CPPED1: variants seen among roughly 807,000 people sequenced by gnomAD.
CPPED1 encodes the protein serine/threonine-protein phosphatase CPPED1.
A neutral mutation model predicts 28.0 loss-of-function variants in CPPED1; 28 were observed. The ratio of observed to expected loss-of-function variants is 1.00; its 90% CI spans 0.74 to 1.37. The LOEUF is 1.37. Ranked by LOEUF, CPPED1 falls within the 40% of genes most tolerant of loss-of-function variation. The pLI is 0.00. For synonymous variants in CPPED1, 198 were observed against 180.2 expected (o/e 1.10, Z -0.79); for missense variants, 504 against 416.5 (o/e 1.21, Z -1.83).
chr16:12,772,295 G>A (rs547669079), intron 2 of CPPED1, among the ~76,000 whole-genome samples: 1 of 152,158 alleles, frequency 6.6e-6, no homozygotes, highest in South Asian at 2.1e-4. Context: ...TCTCACTGGG[G>A]CATTTTCCTG....
intron 1 of CPPED1, among the ~76,000 whole-genome samples, chr16:12,783,890 A>T (rs1206806262): frequency 6.6e-6 from 1 of 152,192 alleles, no homozygotes; most frequent in East Asian, 1.9e-4. Flanking sequence ...CTCATGGAGA[A>T]AGACAGCAAT....
intron 2 of CPPED1, among the ~76,000 whole-genome samples, chr16:12,747,203 G>A (rs975747876): frequency 6.6e-6 from 1 of 152,016 alleles, no homozygotes; most frequent in African/African-American, 2.4e-5. Flanking sequence ...ACTGAGGTGG[G>A]CGGATTGCTT....
intron 2 of CPPED1, among the ~76,000 whole-genome samples, chr16:12,745,151 A>G (rs1596468454): frequency 1.3e-5 from 2 of 152,064 alleles, no homozygotes; most frequent in East Asian, 3.9e-4. Context: ...CAGGCTAATA[A>G]GTGTGCAACA....
chr16:12,736,884 GC>G (rs2080229451), intron 2 of CPPED1, among the ~76,000 whole-genome samples: 1 of 152,082 alleles, frequency 6.6e-6, no homozygotes, highest in African/African-American at 2.4e-5. Flanking sequence ...GGGAAGAGCT[GC>G]AACTCTAAAA....
chr16:12,774,465 CAA>C (rs113635812), intron 2 of CPPED1, among the ~76,000 whole-genome samples: 3 of 138,328 alleles, frequency 2.2e-5, no homozygotes, highest in Admixed American at 7.2e-5. Flanking sequence ...GAGACTGTCT[CAA>C]AAAAAAAAAA....
intron 1 of CPPED1, among the ~76,000 whole-genome samples, chr16:12,801,032 C>G (rs2080656350): frequency 6.6e-6 from 1 of 152,186 alleles, no homozygotes; most frequent in Non-Finnish European, 1.5e-5. Flanking sequence ...CCCCAACTTC[C>G]TATTCTCCAC....
At chr16:12,790,640 G>A (rs9939778) in intron 1 of CPPED1, among the ~76,000 whole-genome samples, 1,820 of 152,138 alleles carry the variant, frequency 0.012, 39 homozygotes, top group African/African-American at 0.041. Flanking sequence ...AGTCACATTG[G>A]CCGGTCGCGG....
intron 2 of CPPED1, among the ~76,000 whole-genome samples, chr16:12,734,769 A>C (rs546670092): frequency 4.0e-5 from 6 of 150,534 alleles, no homozygotes; most frequent in African/African-American, 1.5e-4. Flanking sequence ...CACTCATCAG[A>C]GAGATGAGTC....
Position 12,662,262 on chromosome 16 carries a change from G to C in CPPED1, c.*2624C>G, listed in dbSNP as rs1382206150. On this transcript the variant is annotated 3_prime_UTR_variant, in exon 4 of 4. Coordinates refer to ENST00000381774, the MANE Select transcript of CPPED1 (RefSeq NM_018340.3). ...TGAACACACTAGTCATGGCCCATCA[G>C]AATGATAGATGCTTATCTACAAAAA... 2 of 152,186 alleles carry C rather than the reference G, an allele frequency of 1.3e-5. No individual in the cohort carries two copies. Among genetic ancestry groups the C allele is most frequent in the East Asian group, 3.9e-4 (2 of 5,190 alleles). The allele number at this position is 152,186 out of a possible 1,614,324, so 9.4% of individuals were successfully genotyped here.
chr16:12,712,731 C>A (rs138577489), intron 2 of CPPED1, among the ~76,000 whole-genome samples: 3 of 151,834 alleles, frequency 2.0e-5, no homozygotes, highest in Admixed American at 2.0e-4. Flanking sequence ...GCTAGTAGTA[C>A]GACACAATTT....
At position 12,661,403 on chromosome 16, in the gene CPPED1, T is replaced by C. The variant is rs1305463003; in HGVS notation, c.*3483A>G. The C allele has an allele frequency of 6.6e-6, 1 of 152,160 alleles. No homozygotes were observed. The highest frequency in any genetic ancestry group is 1.9e-4 in the East Asian group (1 of 5,196). The allele number at this position is 152,160 out of a possible 1,614,324, so 9.4% of individuals were successfully genotyped here. On this transcript the variant is annotated 3_prime_UTR_variant, in exon 4 of 4. Coordinates refer to ENST00000381774, the MANE Select transcript of CPPED1 (RefSeq NM_018340.3). ...GTCCCATAAAGCTTACTACATTTTT[T>C]CCCCATTCTCCCCAAACTTAGGAGA...
chr16:12,791,594 C>G (rs568140428), intron 1 of CPPED1, among the ~76,000 whole-genome samples: 250 of 152,304 alleles, frequency 1.6e-3, no homozygotes, highest in African/African-American at 5.7e-3. Flanking sequence ...TTCCCATCAC[C>G]AACTACTCTT....
chr16:12,782,546 G>GTT (rs35357238), intron 1 of CPPED1, among the ~76,000 whole-genome samples: 11,693 of 138,662 alleles, frequency 0.084, 596 homozygotes, highest in Middle Eastern at 0.14. Context: ...CCTTGAGGCT[G>GTT]TTTTTTTTTT....
intron 3 of CPPED1, among the ~76,000 whole-genome samples, chr16:12,678,860 T>C (rs1416995916): frequency 2.6e-5 from 4 of 152,236 alleles, no homozygotes; most frequent in East Asian, 3.8e-4. Context: ...CCTATCTTTA[T>C]GTTTCTTATT....
At position 12,797,647 on chromosome 16, in the gene CPPED1, C is replaced by T. The variant is rs145116040; in HGVS notation, c.70+6060G>A. ...ATCTTTTGGCTTTCCTGGGCCACAACGGAAGAACTGTCTTGGGCCACACAT... is the reference window on the plus strand; with the variant it reads ...ATCTTTTGGCTTTCCTGGGCCACAATGGAAGAACTGTCTTGGGCCACACAT... On this transcript the variant is annotated intron_variant, in intron 1 of 3. Coordinates refer to ENST00000381774, the MANE Select transcript of CPPED1 (RefSeq NM_018340.3). Among the ~76,000 whole-genome samples, 251 of 152,192 alleles carry T rather than the reference C, an allele frequency of 1.6e-3. 4 individuals carry two copies. Among genetic ancestry groups the T allele is most frequent in the Middle Eastern group, 3.4e-3 (1 of 294 alleles).
intron 1 of CPPED1, among the ~76,000 whole-genome samples, chr16:12,786,394 G>A (rs539738135): frequency 5.1e-4 from 77 of 149,618 alleles, no homozygotes; most frequent in African/African-American, 1.8e-3. Context: ...AGTGACTTTC[G>A]TTTCCTTAAA....
intron 2 of CPPED1, among the ~76,000 whole-genome samples, chr16:12,714,427 T>C (rs1327255051): frequency 6.6e-6 from 1 of 152,228 alleles, no homozygotes; most frequent in Non-Finnish European, 1.5e-5. Flanking sequence ...AGGGTCCCAA[T>C]GTTTCCACAT....
intron 2 of CPPED1, among the ~76,000 whole-genome samples, chr16:12,710,131 A>G (rs1340814307): frequency 6.6e-6 from 1 of 152,226 alleles, no homozygotes; most frequent in Non-Finnish European, 1.5e-5. Flanking sequence ...AGAACAAAAC[A>G]TCAAAGACTC....
intron 2 of CPPED1, among the ~76,000 whole-genome samples, chr16:12,729,084 T>G (rs1049441656): frequency 6.6e-6 from 1 of 152,114 alleles, no homozygotes; most frequent in Admixed American, 6.5e-5. Flanking sequence ...TGTCACCATC[T>G]CTGTGCTGGA....
Sources: gnomAD v4.1 joint callset for allele counts (sites outside exome capture counted in the v4.1 genomes callset) on GRCh38, gnomAD v4.1.1 for gene constraint, MANE v1.5 for transcripts, NCBI Gene and HGNC (gene_info 2026-07-23, HGNC 2026-07-21) for gene names.